Variants in NLRP2 observed in about 807,000 individuals in gnomAD.
NLRP2 encodes the protein NLR family pyrin domain containing 2.
A neutral mutation model predicts 97.2 loss-of-function variants in NLRP2; 107 were observed. The ratio of observed to expected loss-of-function variants is 1.10; its 90% CI spans 0.94 to 1.29. The LOEUF (loss-of-function observed/expected upper bound fraction) is 1.29, where lower values mean the gene tolerates loss of function less well. NLRP2 is among the 50% of genes most tolerant of loss of function. The probability of loss-of-function intolerance (pLI) is 0.00; values close to 1 mark genes in which losing one functional copy is unlikely to be tolerated. For synonymous variants in NLRP2, 663 were observed against 551.5 expected (o/e 1.20, Z -2.83); for missense variants, 1,495 against 1,330.3 (o/e 1.12, Z -1.93).
intron 11 of NLRP2, among the ~76,000 whole-genome samples, chr19:54,995,187 C>CTTTTTTTTTTTTTTTTTTTTT (rs34168825): frequency 1.0e-4 from 9 of 87,228 alleles, no homozygotes; most frequent in African/African-American, 4.0e-4. Context: ...GTGGGTGCCT[C>CTTTTTTTTTTTTTTTTTTTTT]TTTTTTTTTT....
At chr19:54,976,641 C>T (rs1294139529) in intron 3 of NLRP2, among the ~76,000 whole-genome samples, 1 of 151,920 alleles carries the variant, frequency 6.6e-6, no homozygotes, top group Non-Finnish European at 1.5e-5. Flanking sequence ...GCCACCTCAC[C>T]TGGTGGTGAA....
intron 11 of NLRP2, 137 bp from the exon 12 acceptor site, chr19:54,997,180 C>A: frequency 2.3e-6 from 2 of 866,104 alleles, no homozygotes; most frequent in Non-Finnish European, 3.9e-6. Flanking sequence ...GCTGGGATTA[C>A]AGGCGTGAAC....
intron 3 of NLRP2, among the ~76,000 whole-genome samples, chr19:54,976,652 G>T (rs963326517): frequency 2.0e-5 from 3 of 151,682 alleles, no homozygotes; most frequent in African/African-American, 4.8e-5. Flanking sequence ...TGGTGGTGAA[G>T]ACTCTAAAGG....
chr19:54,990,050 C>G lies in NLRP2; in HGVS notation c.2395C>G (p.Gln799Glu). Reference sequence around the variant, plus strand: ...GGTGTCTTGTTCCGCTACCACTCAGCAGTGGGCTGATCTCTCCTTGGCCCT... The same window carrying G: ...GGTGTCTTGTTCCGCTACCACTCAGGAGTGGGCTGATCTCTCCTTGGCCCT... ...GLVSCSATTQ[Q>E]WADLSLALEV... The change falls in exon 9 of 13, where the codon CAG becomes GAG. Residue 799 changes from glutamine (Q) to glutamate (E), a missense_variant. Coordinates refer to ENST00000448584, the MANE Select transcript of NLRP2 (RefSeq NM_017852.5). 1 of 1,614,062 alleles carries G rather than the reference C, an allele frequency of 6.2e-7. No homozygotes were observed. Among genetic ancestry groups the G allele is most frequent in the Non-Finnish European group, 8.5e-7 (1 of 1,180,010 alleles).
In NLRP2 at chr19:54,985,038, T is replaced by C. The variant is rs200925359; in HGVS notation, c.2031-9T>C. ...CATTTGGTGTAACCCTTTCTTCTCT[T>C]CCCTATAGATCCCAGGATGATCAGC... On this transcript the variant is annotated splice_polypyrimidine_tract_variant and intron_variant, in intron 6 of 12. Transcript: ENST00000448584. 1 of 1,613,924 alleles carries C rather than the reference T, an allele frequency of 6.2e-7. No individual in the cohort carries two copies. The highest frequency in any genetic ancestry group is 8.5e-7 in the Non-Finnish European group (1 of 1,179,980).
At chr19:54,973,839 G>A (rs1042755071) in intron 2 of NLRP2, 7 of 622,386 alleles carry the variant, frequency 1.1e-5, no homozygotes, top group African/African-American at 1.8e-5. Context: ...CCTGAAACCC[G>A]CCGGACTTTC....
chr19:54,999,663 ATGGT>A (rs1414138195), intron 12 of NLRP2, among the ~76,000 whole-genome samples: 1 of 152,164 alleles, frequency 6.6e-6, no homozygotes, highest in Non-Finnish European at 1.5e-5. Context: ...TCAGATCAAC[ATGGT>A]TGAGAATAAG....
chr19:54,991,269 G>C (rs922934146), intron 10 of NLRP2: 1 of 158,938 alleles, frequency 6.3e-6, no homozygotes, highest in African/African-American at 2.4e-5. Context: ...AGGACACGTG[G>C]CCTGGCATAG....
chr19:54,999,233 C>G (rs62124648), intron 12 of NLRP2, among the ~76,000 whole-genome samples: 11,992 of 152,270 alleles, frequency 0.079, 491 homozygotes, highest in South Asian at 0.1. Flanking sequence ...CTGCAACCTC[C>G]GCCTCCCGGG....
rs750127014 is a variant in NLRP2, at chr19:54,994,430, G to C, written c.2870G>C (p.Arg957Thr). 2.0e-5 allele frequency: 32 copies of C among 1,612,748 alleles called. No individual in the cohort carries two copies. Among genetic ancestry groups the C allele is most frequent in the Non-Finnish European group, 2.6e-5 (31 of 1,179,994 alleles). Residue 957 changes from arginine (R) to threonine (T), a missense_variant, in exon 11 of 13, where the codon AGA becomes ACA. Physicochemically the swap from Arg to Thr is moderately conservative, Grantham distance 71. Transcript: ENST00000448584. ...TTGAGGAAACCACTGTGCAACTTGA[G>C]ATGTCTGTGGTGAGTTAACTTATAA... ...EALRKPLCNL[R>T]CLWLWGCSIP...
chr19:54,973,199 A>T lies in NLRP2; in HGVS notation c.281-1301A>T, dbSNP rs941622164. ...GCAAGACTCCATCTCAAAAAAAAAA[A>T]ACAAACAAACATGGTATTAATTACA... is the stretch of plus-strand genomic sequence containing the variant. On this transcript the variant is annotated intron_variant, in intron 2 of 12. Transcript: ENST00000448584. 2.0e-5 allele frequency among the ~76,000 whole-genome samples: 3 copies of T among 146,348 alleles called. No homozygotes were observed. The East Asian group carries it at 5.8e-4, about 28-fold the overall frequency.
At chr19:54,977,679 G>T in intron 3 of NLRP2, 73 bp from the exon 4 acceptor site, 1 of 1,423,008 alleles carries the variant, frequency 7.0e-7, no homozygotes, top group Admixed American at 1.7e-5. Context: ...AGACTCAGGG[G>T]TCCAACTTGA....
chr19:54,983,599 C>A lies in NLRP2; in HGVS notation c.1901C>A (p.Ala634Glu). The A allele has an allele frequency of 2.5e-6, 4 of 1,614,174 alleles. No individual in the cohort carries two copies. Among genetic ancestry groups the A allele is most frequent in the Non-Finnish European group, 3.4e-6 (4 of 1,180,020 alleles). Residue 634 changes from alanine (A) to glutamate (E), a missense_variant, in exon 6 of 13, where the codon GCA (alanine) becomes GAA (glutamate). Coordinates refer to ENST00000448584, the MANE Select transcript of NLRP2 (RefSeq NM_017852.5). The part of the protein sequence containing the change: ...QFKEISLHLN[A>E]VDVVPSSFCV... ...AAAGAAATATCCCTGCACTTAAATG[C>A]AGTAGACGTTGTGCCATCTTCATTC...
Position 54,974,131 on chromosome 19 carries a change from G to A in NLRP2, c.281-369G>A, listed in dbSNP as rs143982050. 2.1e-3 allele frequency: 1,367 copies of A among 665,276 alleles called. 19 individuals are homozygous for A. In the African/African-American group the frequency reaches 0.021, roughly 10 times the overall value. 41.2% of individuals were successfully genotyped at this position (665,276 alleles called of 1,614,324 possible). A position where few individuals can be genotyped will look rare whatever the true frequency, so the allele number is the denominator to read the frequency against. ...AACACTTTGGGAGGCCGAGGTGGGCGGATCACAAGGTCAGGAGTCTGAGAC... is the reference window on the plus strand; with the variant it reads ...AACACTTTGGGAGGCCGAGGTGGGCAGATCACAAGGTCAGGAGTCTGAGAC... On this transcript the variant is annotated intron_variant, in intron 2 of 12. Transcript: ENST00000448584.
In NLRP2 at chr19:54,970,169, G is replaced by C. The variant is rs2070753450; in HGVS notation, c.154G>C (p.Gly52Arg). The change falls in exon 2 of 13, where the codon GGG becomes CGG. Residue 52 changes from glycine (G) to arginine (R), a missense_variant. By Grantham distance (125) the Gly-to-Arg change is moderately radical. Transcript: ENST00000448584. ...IPHKEVDKAD[G>R]KQLVEILTTH... ...CCACAAGGAGGTAGACAAGGCTGAT[G>C]GGAAGCAACTGGTAGAAATCCTCAC... is the stretch of plus-strand genomic sequence containing the variant. The C allele has an allele frequency of 1.9e-6, 3 of 1,613,986 alleles. No individual in the cohort carries two copies. The South Asian group carries it at 3.3e-5, about 18-fold the overall frequency.
In NLRP2 at chr19:55,001,079, C is replaced by G; in HGVS notation, c.*181C>G. The G allele has an allele frequency of 1.7e-6, 1 of 589,218 alleles. No homozygotes were observed. Among genetic ancestry groups the G allele is most frequent in the East Asian group, 2.8e-5 (1 of 35,420 alleles). The allele number at this position is 589,218 out of a possible 1,614,324, so 36.5% of individuals were successfully genotyped here. ...CCTGCACACATCCTTATCTTTGTTA[C>G]ATATGAAATATCTGTATCACGGGTA... On this transcript the variant is annotated 3_prime_UTR_variant, in exon 13 of 13. Transcript: ENST00000448584.
At chr19:54,994,759 C>A (rs111994583) in intron 11 of NLRP2, among the ~76,000 whole-genome samples, 5 of 151,458 alleles carry the variant, frequency 3.3e-5, no homozygotes, top group African/African-American at 1.2e-4. Flanking sequence ...TACAGGCGCC[C>A]GCCACCATGC....
intron 8 of NLRP2, among the ~76,000 whole-genome samples, chr19:54,987,484 G>A (rs898879967): frequency 2.0e-5 from 3 of 152,158 alleles, no homozygotes; most frequent in Non-Finnish European, 2.9e-5. Context: ...TGGGCCAGGC[G>A]CAGTGGCTCA....
rs145361990 is a variant in NLRP2, at chr19:54,983,484, C to T, written c.1786C>T (p.His596Tyr). Residue 596 changes from histidine (H) to tyrosine (Y), a missense_variant, in exon 6 of 13, where the codon CAT (histidine) becomes TAT (tyrosine). His to Tyr is a moderately conservative substitution (Grantham distance 83, BLOSUM62 2). Coordinates refer to ENST00000448584, the MANE Select transcript of NLRP2 (RefSeq NM_017852.5). The part of the protein sequence containing the change: ...LRCDISCKGG[H>Y]STVTDLQELL... ...ATGCGACATAAGTTGTAAGGGTGGACATTCAACGGTGACAGACCTGCAGGA... is the reference window on the plus strand; with the variant it reads ...ATGCGACATAAGTTGTAAGGGTGGATATTCAACGGTGACAGACCTGCAGGA... The T allele has an allele frequency of 4.5e-3, 7,336 of 1,614,176 alleles. 43 individuals are homozygous for T. The highest frequency in any genetic ancestry group is 8.9e-3 in the South Asian group (807 of 91,078).
Sources: allele counts gnomAD v4.1 joint callset (sites outside exome capture counted in the v4.1 genomes callset), GRCh38; gene constraint gnomAD v4.1.1; transcripts MANE v1.5; gene names NCBI Gene and HGNC (gene_info 2026-07-23, HGNC 2026-07-21).